Variants in PACRG observed in about 807,000 individuals in gnomAD.
PACRG encodes the protein parkin coregulated.
PACRG carries 29 observed loss-of-function variants against 29.7 expected under a neutral mutation model. The observed-to-expected ratio is 0.98, with a 90% CI of 0.73 to 1.33. PACRG has a LOEUF of 1.33. PACRG is among the 40% of genes most tolerant of loss of function. PACRG has a pLI of 0.00. For synonymous variants in PACRG, 116 were observed against 118.7 expected, an observed-to-expected ratio of 0.98 and a Z score of 0.15; for missense variants, 279 against 316.2, an observed-to-expected ratio of 0.88 and a Z score of 0.89.
intron 4 of PACRG, among the ~76,000 whole-genome samples, chr6:163,287,452 C>T (rs578246001): frequency 7.9e-4 from 121 of 152,326 alleles, no homozygotes; most frequent in African/African-American, 2.5e-3. Flanking sequence ...GCCGCACACA[C>T]GGCCATGCTC....
intron 4 of PACRG, among the ~76,000 whole-genome samples, chr6:163,243,179 C>A (rs926169888): frequency 5.9e-5 from 9 of 152,208 alleles, no homozygotes; most frequent in Non-Finnish European, 1.2e-4. Flanking sequence ...TGATTCCACT[C>A]TGAGTACTGA....
At chr6:163,214,859 T>C (rs994442185) in intron 4 of PACRG, among the ~76,000 whole-genome samples, 1 of 152,184 alleles carries the variant, frequency 6.6e-6, no homozygotes, top group Non-Finnish European at 1.5e-5. Flanking sequence ...TTCCACACTT[T>C]AATAGGTATG....
chr6:162,959,331 T>A (rs1800414590), intron 2 of PACRG, among the ~76,000 whole-genome samples: 1 of 150,630 alleles, frequency 6.6e-6, no homozygotes, highest in Non-Finnish European at 1.5e-5. Flanking sequence ...ACTAGAGGGG[T>A]CAGGGTGAGC....
intron 4 of PACRG, chr6:163,313,006 T>G (rs137989879): frequency 8.1e-4 from 180 of 223,306 alleles, no homozygotes; most frequent in African/African-American, 4.0e-3. Flanking sequence ...TCCTCCCACA[T>G]CAGCCTCCCA....
intron 1 of PACRG, among the ~76,000 whole-genome samples, chr6:162,769,166 T>G (rs1183051626): frequency 6.6e-6 from 1 of 152,106 alleles, no homozygotes; most frequent in African/African-American, 2.4e-5. Flanking sequence ...CAGACTAAAC[T>G]TGTAATCTGC....
intron 1 of PACRG, among the ~76,000 whole-genome samples, chr6:162,790,593 G>A (rs1784852667): frequency 6.6e-6 from 1 of 151,726 alleles, no homozygotes; most frequent in Non-Finnish European, 1.5e-5. Context: ...AATATTTCTA[G>A]GTCATTAATC....
intron 2 of PACRG, among the ~76,000 whole-genome samples, chr6:162,864,779 C>T (rs1792153367): frequency 6.6e-6 from 1 of 152,174 alleles, no homozygotes; most frequent in South Asian, 2.1e-4. Context: ...AGAGAGGAGA[C>T]TTCTCCACCT....
intron 1 of PACRG, among the ~76,000 whole-genome samples, chr6:162,797,829 A>G (rs1475506514): frequency 6.6e-6 from 1 of 151,352 alleles, no homozygotes; most frequent in Non-Finnish European, 1.5e-5. Flanking sequence ...TTTCATTTTT[A>G]TATATTGAGT....
At chr6:163,032,529 G>A (rs1241737889) in intron 2 of PACRG, among the ~76,000 whole-genome samples, 1 of 152,114 alleles carries the variant, frequency 6.6e-6, no homozygotes, top group Admixed American at 6.5e-5. Context: ...AAGAAATTTG[G>A]TTACCTTTGT....
intron 4 of PACRG, among the ~76,000 whole-genome samples, chr6:163,178,347 A>AT (rs899132995): frequency 6.6e-6 from 1 of 152,192 alleles, no homozygotes; most frequent in African/African-American, 2.4e-5. Context: ...CAGAGGGACA[A>AT]GGGGAAGTGC....
chr6:163,083,904 T>C (rs961495895), intron 3 of PACRG, among the ~76,000 whole-genome samples: 3 of 151,734 alleles, frequency 2.0e-5, no homozygotes, highest in Non-Finnish European at 4.4e-5. Flanking sequence ...GTTCTCACTT[T>C]GCAAAAAAAA....
Position 162,787,558 on chromosome 6 carries a change from TTG to T in PACRG, c.157-26565_157-26564del, listed in dbSNP as rs377437969. Among the ~76,000 whole-genome samples the T allele has an allele frequency of 7.0e-3, 551 of 78,778 alleles. 22 individuals carry two copies. Among genetic ancestry groups the T allele is most frequent in the African/African-American group, 0.022 (435 of 19,972 alleles). The allele number at this position is 78,778 out of a possible 152,430, so 51.7% of individuals were successfully genotyped here. A position where few individuals can be genotyped will look rare whatever the true frequency, so the allele number is the denominator to read the frequency against. On this transcript the variant is annotated intron_variant, in intron 1 of 4. Coordinates refer to ENST00000366888, the MANE Select transcript of PACRG (RefSeq NM_001080379.2). ...GTGTTTGTGTATATATATATGGTTA[TTG>T]TGTGTGTGTGTGTGTGTGTGTGTAT...
intron 2 of PACRG, among the ~76,000 whole-genome samples, chr6:162,832,513 T>C (rs976278341): frequency 1.3e-5 from 2 of 152,200 alleles, no homozygotes; most frequent in Non-Finnish European, 2.9e-5. Context: ...CTATATTTGG[T>C]TTAAAATGGT....
chr6:162,814,465 A>G (rs2128362874), intron 2 of PACRG, 184 bp downstream of exon 2: 3 of 612,750 alleles, frequency 4.9e-6, no homozygotes, highest in Non-Finnish European at 5.2e-6. Flanking sequence ...CAATTAAATT[A>G]TAGCCTGCAA....
rs1216882631 is a variant in PACRG at position 162,777,299 on chromosome 6, G to A, written c.157-36848G>A. Among the ~76,000 whole-genome samples the A allele has an allele frequency of 2.6e-5, 4 of 152,200 alleles. No individual in the cohort carries two copies. Among genetic ancestry groups the A allele is most frequent in the African/African-American group, 9.7e-5 (4 of 41,446 alleles). Reference sequence around the variant, plus strand: ...CCATGTGCTCACAGGCCTCTGCTGTGTTCCCTGTGGCACCTTCGCAGACTG... The same window carrying A: ...CCATGTGCTCACAGGCCTCTGCTGTATTCCCTGTGGCACCTTCGCAGACTG... On this transcript the variant is annotated intron_variant, in intron 1 of 4. Coordinates refer to ENST00000366888, the MANE Select transcript of PACRG (RefSeq NM_001080379.2). The surrounding 1 kb of genome is among the most constrained non-coding windows in gnomAD (Gnocchi z 4.0).
chr6:162,960,772 A>T (rs530365732), intron 2 of PACRG, among the ~76,000 whole-genome samples: 1 of 151,622 alleles, frequency 6.6e-6, no homozygotes, highest in Admixed American at 6.6e-5. Context: ...CATAATTTAA[A>T]AGGATATTGC....
At position 162,814,187 on chromosome 6, in the gene PACRG, C is replaced by G; in HGVS notation, c.197C>G (p.Pro66Arg). The change falls in exon 2 of 5, where the codon CCA becomes CGA. Residue 66 changes from proline to arginine, a missense_variant. Physicochemically the swap from Pro to Arg is moderately radical, Grantham distance 103. Coordinates refer to ENST00000366888, the MANE Select transcript of PACRG (RefSeq NM_001080379.2). ...GCTGCAGGGGCATTTAAAGAAAGAC[C>G]AACCAAGCCCACAGCATTTCGAAAA... ...PPAAGAFKER[P>R]TKPTAFRKFY... 1 of 1,612,866 alleles carries G rather than the reference C, an allele frequency of 6.2e-7. No individual in the cohort carries two copies. Among genetic ancestry groups the G allele is most frequent in the African/African-American group, 1.3e-5 (1 of 74,936 alleles).
At chr6:163,071,768 A>G (rs1463501978) in intron 3 of PACRG, among the ~76,000 whole-genome samples, 1 of 151,938 alleles carries the variant, frequency 6.6e-6, no homozygotes, top group Non-Finnish European at 1.5e-5. Context: ...GATATCACTG[A>G]AATTCAAAGG....
chr6:163,131,964 C>T (rs1281075492), intron 4 of PACRG, among the ~76,000 whole-genome samples: 1 of 152,200 alleles, frequency 6.6e-6, no homozygotes, highest in South Asian at 2.1e-4. Flanking sequence ...TCATAAGTAA[C>T]ATGGCTCATC....
Sources: gnomAD v4.1 joint callset for allele counts (sites outside exome capture counted in the v4.1 genomes callset) on GRCh38, gnomAD v4.1.1 for gene constraint, Gnocchi (gnomAD v3.1) non-coding constraint, MANE v1.5 for transcripts, NCBI Gene and HGNC (gene_info 2026-07-23, HGNC 2026-07-21) for gene names.